KCNN2: variants seen among roughly 807,000 people sequenced by gnomAD.
The protein encoded by KCNN2 is potassium calcium-activated channel subfamily N member 2.
A neutral mutation model predicts 55.5 loss-of-function variants in KCNN2; 24 were observed. The ratio of observed to expected loss-of-function variants is 0.43; its 90% CI spans 0.31 to 0.61. The LOEUF (loss-of-function observed/expected upper bound fraction) is 0.61. Ranked by LOEUF, KCNN2 falls within the 20% of genes least tolerant of loss-of-function variation. The pLI is 0.08. For missense variants in KCNN2, 754 were observed against 853.6 expected (o/e 0.88, Z 1.45); for synonymous variants, 431 against 336.1 (o/e 1.28, Z -3.09).
intron 2 of KCNN2, among the ~76,000 whole-genome samples, chr5:114,251,832 A>G (rs1240606041): frequency 6.6e-6 from 1 of 150,760 alleles, no homozygotes; most frequent in Non-Finnish European, 1.5e-5. Context: ...ATTGTAATAT[A>G]GTTTGTTTGT....
At chr5:114,329,167 C>T (rs2150032397) in intron 2 of KCNN2, among the ~76,000 whole-genome samples, 1 of 152,288 alleles carries the variant, frequency 6.6e-6, no homozygotes, top group South Asian at 2.1e-4. Flanking sequence ...GGCCTTGGTA[C>T]ATTACACTCA....
intron 2 of KCNN2, among the ~76,000 whole-genome samples, chr5:114,231,436 T>C (rs1322462690): frequency 6.8e-6 from 1 of 148,116 alleles, no homozygotes; most frequent in Non-Finnish European, 1.5e-5. Context: ...TTTAAGTCTT[T>C]AATCCATCTT....
intron 1 of KCNN2, among the ~76,000 whole-genome samples, chr5:114,183,028 G>A (rs1580597113): frequency 6.6e-6 from 1 of 152,002 alleles, no homozygotes; most frequent in African/African-American, 2.4e-5. Flanking sequence ...AGATTGAGGA[G>A]AGGAACTTAC....
chr5:114,393,562 T>G (rs1299157768), intron 2 of KCNN2, among the ~76,000 whole-genome samples: 1 of 152,080 alleles, frequency 6.6e-6, no homozygotes, highest in Non-Finnish European at 1.5e-5. Context: ...CTTATATTCA[T>G]TTACTCACAT....
chr5:114,347,457 C>T (rs1251101305), intron 2 of KCNN2, among the ~76,000 whole-genome samples: 1 of 152,162 alleles, frequency 6.6e-6, no homozygotes, highest in East Asian at 1.9e-4. Context: ...TTTATGTGTT[C>T]TCCAAAGTCC....
chr5:114,144,748 T>C (rs1169582138), intron 1 of KCNN2, among the ~76,000 whole-genome samples: 4 of 150,610 alleles, frequency 2.7e-5, no homozygotes, highest in Non-Finnish European at 5.9e-5. Context: ...TTTTAAGTAG[T>C]ATAGTTTTGT....
At chr5:114,248,364 T>C (rs1347881474) in intron 2 of KCNN2, among the ~76,000 whole-genome samples, 4 of 152,132 alleles carry the variant, frequency 2.6e-5, no homozygotes, top group Non-Finnish European at 4.4e-5. Context: ...GTTTAGTTAT[T>C]TGGGGGGAAG....
chr5:114,198,531 T>C (rs1753606813), intron 1 of KCNN2, among the ~76,000 whole-genome samples: 1 of 152,014 alleles, frequency 6.6e-6, no homozygotes, highest in East Asian at 1.9e-4. Context: ...AAGTTAATTC[T>C]GTATCTTTGC....
intron 3 of KCNN2, among the ~76,000 whole-genome samples, chr5:114,453,235 G>A (rs1055979719): frequency 2.0e-5 from 3 of 152,158 alleles, no homozygotes; most frequent in African/African-American, 2.4e-5. Context: ...GCAAGCCAAG[G>A]AAAGAGAGGG....
At chr5:114,075,120 C>T (rs115958812) in intron 1 of KCNN2, among the ~76,000 whole-genome samples, 2,224 of 152,244 alleles carry the variant, frequency 0.015, 27 homozygotes, top group Non-Finnish European at 0.021. Context: ...ATGAATCTGG[C>T]ATAAAGCTCA....
chr5:114,182,383 A>G (rs1364098609), intron 1 of KCNN2, among the ~76,000 whole-genome samples: 4 of 152,120 alleles, frequency 2.6e-5, no homozygotes, highest in African/African-American at 2.4e-5. Flanking sequence ...TCATATTTCC[A>G]TATAAAATTC....
chr5:114,369,947 G>T (rs969306755), intron 2 of KCNN2, among the ~76,000 whole-genome samples: 2 of 152,068 alleles, frequency 1.3e-5, no homozygotes, highest in Admixed American at 1.3e-4. Context: ...GAGCACCAAG[G>T]CAGCCTGCGT....
intron 3 of KCNN2, among the ~76,000 whole-genome samples, chr5:114,408,896 G>A (rs149761346): frequency 7.2e-4 from 110 of 152,320 alleles, no homozygotes; most frequent in African/African-American, 2.6e-3. Context: ...TGCTCAGATT[G>A]TGAGGTGATG....
chr5:114,362,887 G>A lies in KCNN2; in HGVS notation c.748G>A (p.Ala250Thr), dbSNP rs372871841. Residue 250 changes from alanine to threonine, a missense_variant, in exon 1 of 8, where the codon GCG (alanine) becomes ACG (threonine). By Grantham distance (58) the Ala-to-Thr change is moderately conservative. Around this residue, in one of 4 missense-constraint regions of KCNN2, gnomAD observed 381 missense variants for 259.1 expected, o/e 1.47. Transcript: ENST00000673685. ...AGAGGCGCAGCCCCTGCAGCCCCCC[G>A]CGTCTGTCGGAGGAGGTGGCGGCGC... is the stretch of plus-strand genomic sequence containing the variant. The part of the protein sequence containing the change: ...DSEAQPLQPP[A>T]SVGGGGGASS... 6.3e-7 allele frequency: 1 copy of A among 1,597,628 alleles called. No individual in the cohort carries two copies. Among genetic ancestry groups the A allele is most frequent in the Admixed American group, 1.7e-5 (1 of 59,660 alleles).
intron 2 of KCNN2, among the ~76,000 whole-genome samples, chr5:114,391,985 C>CT (rs201011799): frequency 0.014 from 2,170 of 152,116 alleles, 58 homozygotes; most frequent in African/African-American, 0.049. Context: ...CCATGTCTGT[C>CT]TTTTTTTAAT....
At chr5:114,283,865 A>T (rs910750038) in intron 2 of KCNN2, among the ~76,000 whole-genome samples, 1 of 152,166 alleles carries the variant, frequency 6.6e-6, no homozygotes, top group Non-Finnish European at 1.5e-5. Context: ...ACCACATTAG[A>T]GTATACATTA....
At chr5:114,198,430 GTA>G (rs570641635) in intron 1 of KCNN2, among the ~76,000 whole-genome samples, 6 of 144,172 alleles carry the variant, frequency 4.2e-5, no homozygotes, top group Middle Eastern at 3.7e-3. Context: ...GTATATATGT[GTA>G]TATATATATG....
intron 1 of KCNN2, among the ~76,000 whole-genome samples, chr5:114,176,969 GT>G (rs549401847): frequency 7.3e-5 from 11 of 151,110 alleles, no homozygotes; most frequent in Admixed American, 2.0e-4. Context: ...AGGAGGAACA[GT>G]TTTTTTTTAA....
rs1428632126 is a variant in KCNN2 at position 114,390,100 on chromosome 5, C to T, written c.1219-14338C>T. On this transcript the variant is annotated intron_variant, in intron 2 of 7. Coordinates refer to ENST00000673685, the MANE Select transcript of KCNN2 (RefSeq NM_021614.4). ...CCAGCTTTTTAAGTGCTTAAAATAA[C>T]TAAGGTGATGCTAATACATTTTAGC... 2.0e-5 allele frequency among the ~76,000 whole-genome samples: 3 copies of T among 152,226 alleles called. No homozygotes were observed. In the South Asian group the frequency reaches 6.2e-4, roughly 32 times the overall value.
Sources: allele counts gnomAD v4.1 joint callset (sites outside exome capture counted in the v4.1 genomes callset), GRCh38; gene constraint gnomAD v4.1.1; regional missense constraint gnomAD v4.1.1; transcripts MANE v1.5; gene names NCBI Gene and HGNC (gene_info 2026-07-23, HGNC 2026-07-21).